OR1L3: variants seen among roughly 807,000 people sequenced by gnomAD.
The protein encoded by OR1L3 is olfactory receptor 1L3.
For synonymous variants in OR1L3, 137 were observed against 144.5 expected, an observed-to-expected ratio of 0.95 and a Z score of 0.37; for missense variants, 374 against 386.4, an observed-to-expected ratio of 0.97 and a Z score of 0.27.
rs895765775 is a variant in OR1L3, at chr9:122,675,730, A to G, written c.601A>G (p.Thr201Ala). 1 of 1,613,994 alleles carries G rather than the reference A, an allele frequency of 6.2e-7. No individual in the cohort carries two copies. Among genetic ancestry groups the G allele is most frequent in the African/African-American group, 1.3e-5 (1 of 74,914 alleles). The change falls in exon 1 of 1, where the codon ACA (threonine) becomes GCA (alanine). Residue 201 changes from threonine to alanine, a missense_variant. Transcript: ENST00000304820. ...CTTTGTCAATGAAATTGTGGCCATGACAGAAGGGCTGGCCTCTGTGATGGC... is the reference window on the plus strand; with the variant it reads ...CTTTGTCAATGAAATTGTGGCCATGGCAGAAGGGCTGGCCTCTGTGATGGC... ...STFVNEIVAM[T>A]EGLASVMAPF...
chr9:122,675,328 T>G lies in OR1L3; in HGVS notation c.199T>G (p.Ser67Ala). 6.2e-7 allele frequency: 1 copy of G among 1,614,232 alleles called. No individual in the cohort carries two copies. The highest frequency in any genetic ancestry group is 8.5e-7 in the Non-Finnish European group (1 of 1,180,038). The change falls in exon 1 of 1, where the codon TCC (serine) becomes GCC (alanine). Residue 67 changes from serine to alanine, a missense_variant. Ser to Ala is a moderately conservative substitution (Grantham distance 99). Coordinates refer to ENST00000304820, the MANE Select transcript of OR1L3 (RefSeq NM_001005234.1). Reference sequence around the variant, plus strand: ...TATGTATTTTTTCCTAAGCATCTTGTCCTTTGCTGATATTTGCTACACAAC... The same window carrying G: ...TATGTATTTTTTCCTAAGCATCTTGGCCTTTGCTGATATTTGCTACACAAC... The part of the protein sequence containing the change: ...NPMYFFLSIL[S>A]FADICYTTVI...
chr9:122,675,725 C>G lies in OR1L3; in HGVS notation c.596C>G (p.Ala199Gly). Residue 199 changes from alanine (A) to glycine (G), a missense_variant, in exon 1 of 1, where the codon GCC (alanine) becomes GGC (glycine). Physicochemically the swap from Ala to Gly is moderately conservative, Grantham distance 60. Transcript: ENST00000304820. ...CSSTFVNEIV[A>G]MTEGLASVMA... ...TCCACCTTTGTCAATGAAATTGTGG[C>G]CATGACAGAAGGGCTGGCCTCTGTG... 1.2e-6 allele frequency: 2 copies of G among 1,614,106 alleles called. No individual in the cohort carries two copies. The highest frequency in any genetic ancestry group is 2.2e-5 in the South Asian group (2 of 91,070).
rs199987024 is a variant in OR1L3, at chr9:122,675,256, C to T, written c.127C>T (p.Leu43=). ...ATACCTGGTCACTTTGATGGGAAAT[C>T]TGCTCATCATCTTGGCTATCCACTC... The part of the protein sequence containing the change: ...IIYLVTLMGN[L]LIILAIHSDP... The change falls in exon 1 of 1, where the codon CTG becomes TTG. Residue 43 remains leucine (L), a synonymous_variant. Coordinates refer to ENST00000304820, the MANE Select transcript of OR1L3 (RefSeq NM_001005234.1). 5.0e-6 allele frequency: 8 copies of T among 1,614,068 alleles called. No individual in the cohort carries two copies. Among genetic ancestry groups the T allele is most frequent in the African/African-American group, 1.3e-5 (1 of 74,936 alleles).
In OR1L3 at chr9:122,675,591, C is replaced by T. The variant is rs750460042; in HGVS notation, c.462C>T (p.Phe154=). Residue 154 remains phenylalanine (F), a synonymous_variant, in exon 1 of 1, where the codon TTC becomes TTT. Transcript: ENST00000304820. ...CATTCCCCATCACTTTCTCCTATTT[C>T]CACTCTCTCCTACATGTCCTCCTGG... The part of the protein sequence containing the change: ...LLAFPITFSY[F]HSLLHVLLVN... 1.2e-6 allele frequency: 2 copies of T among 1,614,208 alleles called. No individual in the cohort carries two copies. The highest frequency in any genetic ancestry group is 4.5e-5 in the East Asian group (2 of 44,884).
At position 122,675,241 on chromosome 9, in the gene OR1L3, A is replaced by T; in HGVS notation, c.112A>T (p.Thr38Ser). 2.5e-6 allele frequency: 4 copies of T among 1,614,116 alleles called. No homozygotes were observed. The highest frequency in any genetic ancestry group is 3.4e-6 in the Non-Finnish European group (4 of 1,180,020). The change falls in exon 1 of 1, where the codon ACT (threonine) becomes TCT (serine). Residue 38 changes from threonine (T) to serine (S), a missense_variant. By Grantham distance (58) the Thr-to-Ser change is moderately conservative (BLOSUM62 1). Coordinates refer to ENST00000304820, the MANE Select transcript of OR1L3 (RefSeq NM_001005234.1). ...FALFLIIYLV[T>S]LMGNLLIILA... ...CCTCTTTCTTATCATATACCTGGTC[A>T]CTTTGATGGGAAATCTGCTCATCAT...
Position 122,676,038 on chromosome 9 carries a change from G to A in OR1L3, c.909G>A (p.Leu303=). Residue 303 remains leucine (L), a synonymous_variant, in exon 1 of 1, where the codon TTG becomes TTA. Transcript: ENST00000304820. ...NKDMKRGLQK[L]INKIKSQMSR... ...ACATGAAACGGGGCTTACAGAAATTGATAAACAAGATTAAGTCTCAAATGA... is the reference window on the plus strand; with the variant it reads ...ACATGAAACGGGGCTTACAGAAATTAATAAACAAGATTAAGTCTCAAATGA... 6.2e-7 allele frequency: 1 copy of A among 1,610,438 alleles called. No homozygotes were observed. The highest frequency in any genetic ancestry group is 1.7e-5 in the Admixed American group (1 of 59,368).
In OR1L3 at chr9:122,675,355, G is replaced by C; in HGVS notation, c.226G>C (p.Val76Leu). Residue 76 changes from valine (V) to leucine (L), a missense_variant, in exon 1 of 1, where the codon GTC (valine) becomes CTC (leucine). Physicochemically the swap from Val to Leu is conservative, Grantham distance 32. Coordinates refer to ENST00000304820, the MANE Select transcript of OR1L3 (RefSeq NM_001005234.1). ...CTTTGCTGATATTTGCTACACAACA[G>C]TCATAGTCCCAAAGATGCTCGTGAA... ...LSFADICYTTVIVPKMLVNFL... is the reference protein window; with the variant it reads ...LSFADICYTTLIVPKMLVNFL... 1 of 1,614,154 alleles carries C rather than the reference G, an allele frequency of 6.2e-7. No homozygotes were observed.
rs1161129407 is a variant in OR1L3, at chr9:122,675,565, G to C, written c.436G>C (p.Ala146Pro). The C allele has an allele frequency of 1.4e-5, 23 of 1,614,160 alleles. No homozygotes were observed. The highest frequency in any genetic ancestry group is 1.9e-5 in the Non-Finnish European group (22 of 1,180,024). Reference sequence around the variant, plus strand: ...CCGCAGATGCTGTGTGTTGCTACTAGCATTCCCCATCACTTTCTCCTATTT... The same window carrying C: ...CCGCAGATGCTGTGTGTTGCTACTACCATTCCCCATCACTTTCTCCTATTT... The part of the protein sequence containing the change: ...MNRRCCVLLL[A>P]FPITFSYFHS... The change falls in exon 1 of 1, where the codon GCA (alanine) becomes CCA (proline). Residue 146 changes from alanine to proline, a missense_variant. Coordinates refer to ENST00000304820, the MANE Select transcript of OR1L3 (RefSeq NM_001005234.1).
rs79636164 is a variant in OR1L3 at position 122,676,099 on chromosome 9, C to T, written c.970C>T (p.Pro324Ser). The change falls in exon 1 of 1, where the codon CCC becomes TCC. Residue 324 changes from proline to serine, a missense_variant. By Grantham distance (74) the Pro-to-Ser change is moderately conservative. Coordinates refer to ENST00000304820, the MANE Select transcript of OR1L3 (RefSeq NM_001005234.1). ...FSTKTNKICG[P>S] ...TACAAAGACCAATAAAATCTGTGGA[C>T]CCTGATTACAAGGTGTGTGTGTGTG... 21,436 of 1,565,490 alleles carry T rather than the reference C, an allele frequency of 0.014. 1,436 individuals carry two copies. In the African/African-American group the frequency reaches 0.18, roughly 13 times the overall value.
At position 122,675,997 on chromosome 9, in the gene OR1L3, A is replaced by T. The variant is rs79901458; in HGVS notation, c.868A>T (p.Ser290Cys). 9.9e-5 allele frequency: 160 copies of T among 1,614,048 alleles called. No homozygotes were observed. Among genetic ancestry groups the T allele is most frequent in the Non-Finnish European group, 1.3e-4 (153 of 1,180,012 alleles). The change falls in exon 1 of 1, where the codon AGT becomes TGT. Residue 290 changes from serine (S) to cysteine (C), a missense_variant. Ser to Cys is a moderately radical substitution (Grantham distance 112). Coordinates refer to ENST00000304820, the MANE Select transcript of OR1L3 (RefSeq NM_001005234.1). ...ATCAGTGTTGAACCCATTTATCTAC[A>T]GTTTAAGAAACAAAGACATGAAACG... is the stretch of plus-strand genomic sequence containing the variant. ...LTSVLNPFIYSLRNKDMKRGL... is the reference protein window; with the variant it reads ...LTSVLNPFIYCLRNKDMKRGL...
rs74634130 is a variant in OR1L3, at chr9:122,675,965, T to C, written c.836T>C (p.Val279Ala). ...KDRIATINYT[V>A]LTSVLNPFIY... ...CGAATAGCAACAATCAACTACACTG[T>C]GTTGACATCAGTGTTGAACCCATTT... The change falls in exon 1 of 1, where the codon GTG (valine) becomes GCG (alanine). Residue 279 changes from valine (V) to alanine (A), a missense_variant. Transcript: ENST00000304820. 21,120 of 1,614,124 alleles carry C rather than the reference T, an allele frequency of 0.013. 1,294 individuals are homozygous for C. In the African/African-American group the frequency reaches 0.17, roughly 13 times the overall value.
rs1323648196 is a variant in OR1L3, at chr9:122,675,768, T to C, written c.639T>C (p.Cys213=). 20 of 1,614,190 alleles carry C rather than the reference T, an allele frequency of 1.2e-5. No homozygotes were observed. Among genetic ancestry groups the C allele is most frequent in the Non-Finnish European group, 1.7e-5 (20 of 1,180,030 alleles). The change falls in exon 1 of 1, where the codon TGT becomes TGC. Residue 213 remains cysteine, a synonymous_variant. Coordinates refer to ENST00000304820, the MANE Select transcript of OR1L3 (RefSeq NM_001005234.1). ...CCTCTGTGATGGCTCCATTTGTCTG[T>C]ATCATCATCTCTTATCTAAGAATTC... is the stretch of plus-strand genomic sequence containing the variant. ...GLASVMAPFV[C]IIISYLRILI...
chr9:122,675,473 T>G lies in OR1L3; in HGVS notation c.344T>G (p.Leu115Arg). ...LVFGNIDSYL[L>R]AAMAINRCVA... ...TTTGGAAACATAGATAGTTATCTCC[T>G]GGCGGCTATGGCCATCAACCGCTGT... Residue 115 changes from leucine (L) to arginine (R), a missense_variant, in exon 1 of 1, where the codon CTG becomes CGG. Coordinates refer to ENST00000304820, the MANE Select transcript of OR1L3 (RefSeq NM_001005234.1). 1 of 1,614,260 alleles carries G rather than the reference T, an allele frequency of 6.2e-7. No homozygotes were observed. The highest frequency in any genetic ancestry group is 8.5e-7 in the Non-Finnish European group (1 of 1,180,040).
Position 122,675,878 on chromosome 9 carries a change from T to C in OR1L3, c.749T>C (p.Leu250Pro). ...TCSSHLTVVI[L>P]FYGSISYVYL... ...AGCTCCCATCTCACTGTGGTGATTC[T>C]GTTTTATGGGAGTATTAGCTATGTC... The change falls in exon 1 of 1, where the codon CTG becomes CCG. Residue 250 changes from leucine to proline, a missense_variant. Physicochemically the swap from Leu to Pro is moderately conservative, Grantham distance 98. Transcript: ENST00000304820. 6.2e-7 allele frequency: 1 copy of C among 1,614,102 alleles called. No homozygotes were observed.
At position 122,675,619 on chromosome 9, in the gene OR1L3, AATC is replaced by A; in HGVS notation, c.491_493del (p.Asn164del). 1 of 1,614,204 alleles carries A rather than the reference AATC, an allele frequency of 6.2e-7. No homozygotes were observed. The highest frequency in any genetic ancestry group is 8.5e-7 in the Non-Finnish European group (1 of 1,180,032). On this transcript the variant is annotated inframe_deletion, in exon 1 of 1. Transcript: ENST00000304820. Reference sequence around the variant, plus strand: ...CTCTCTCCTACATGTCCTCCTGGTGAATCGGCTCACCTTTTGTACATCAAATGT... The same window carrying A: ...CTCTCTCCTACATGTCCTCCTGGTGAGGCTCACCTTTTGTACATCAAATGT...
rs2118855958 is a variant in OR1L3 at position 122,675,926 on chromosome 9, A to G, written c.797A>G (p.Tyr266Cys). 6.2e-7 allele frequency: 1 copy of G among 1,614,174 alleles called. No individual in the cohort carries two copies. Among genetic ancestry groups the G allele is most frequent in the East Asian group, 2.2e-5 (1 of 44,882 alleles). ...GTCTATTTGCAGCCTTTGTCCAGCT[A>G]TACTGTCAAGGACCGAATAGCAACA... ...SYVYLQPLSS[Y>C]TVKDRIATIN... is the part of the protein sequence containing the mutation. Residue 266 changes from tyrosine to cysteine, a missense_variant, in exon 1 of 1, where the codon TAT (tyrosine) becomes TGT (cysteine). Physicochemically the swap from Tyr to Cys is radical, Grantham distance 194. Coordinates refer to ENST00000304820, the MANE Select transcript of OR1L3 (RefSeq NM_001005234.1).
chr9:122,675,647 T>C lies in OR1L3; in HGVS notation c.518T>C (p.Val173Ala), dbSNP rs1308716076. ...VNRLTFCTSNVIHHFFCDVNP... is the reference protein window; with the variant it reads ...VNRLTFCTSNAIHHFFCDVNP... ...CGGCTCACCTTTTGTACATCAAATG[T>C]TATCCATCATTTTTTTTGTGATGTC... The change falls in exon 1 of 1, where the codon GTT becomes GCT. Residue 173 changes from valine (V) to alanine (A), a missense_variant. Coordinates refer to ENST00000304820, the MANE Select transcript of OR1L3 (RefSeq NM_001005234.1). 1 of 1,614,170 alleles carries C rather than the reference T, an allele frequency of 6.2e-7. No individual in the cohort carries two copies. The highest frequency in any genetic ancestry group is 8.5e-7 in the Non-Finnish European group (1 of 1,180,010).
At position 122,675,757 on chromosome 9, in the gene OR1L3, C is replaced by A. The variant is rs763075537; in HGVS notation, c.628C>A (p.Pro210Thr). The A allele has an allele frequency of 1.2e-6, 2 of 1,614,124 alleles. No individual in the cohort carries two copies. Among genetic ancestry groups the A allele is most frequent in the South Asian group, 2.2e-5 (2 of 91,086 alleles). ...AGAAGGGCTGGCCTCTGTGATGGCT[C>A]CATTTGTCTGTATCATCATCTCTTA... ...MTEGLASVMA[P>T]FVCIIISYLR... The change falls in exon 1 of 1, where the codon CCA becomes ACA. Residue 210 changes from proline to threonine, a missense_variant. Pro to Thr is a conservative substitution (Grantham distance 38, BLOSUM62 -1). Coordinates refer to ENST00000304820, the MANE Select transcript of OR1L3 (RefSeq NM_001005234.1).
At position 122,675,746 on chromosome 9, in the gene OR1L3, C is replaced by T. The variant is rs748456792; in HGVS notation, c.617C>T (p.Ser206Phe). The change falls in exon 1 of 1, where the codon TCT becomes TTT. Residue 206 changes from serine (S) to phenylalanine (F), a missense_variant. Ser to Phe is a radical substitution (Grantham distance 155). Transcript: ENST00000304820. ...EIVAMTEGLA[S>F]VMAPFVCIII... Reference sequence around the variant, plus strand: ...GTGGCCATGACAGAAGGGCTGGCCTCTGTGATGGCTCCATTTGTCTGTATC... The same window carrying T: ...GTGGCCATGACAGAAGGGCTGGCCTTTGTGATGGCTCCATTTGTCTGTATC... 1 of 1,614,186 alleles carries T rather than the reference C, an allele frequency of 6.2e-7. No homozygotes were observed. The highest frequency in any genetic ancestry group is 1.7e-5 in the Admixed American group (1 of 60,016).
Sources: allele counts gnomAD v4.1 joint callset, GRCh38; gene constraint gnomAD v4.1.1; transcripts MANE v1.5; gene names NCBI Gene and HGNC (gene_info 2026-07-23, HGNC 2026-07-21).